SPINK9: variants seen among roughly 807,000 people sequenced by gnomAD.
SPINK9 encodes the protein serine peptidase inhibitor Kazal type 9.
SPINK9 carries 3 observed loss-of-function variants against 10.8 expected under a neutral mutation model. The ratio of observed to expected loss-of-function variants is 0.28; its 90% CI spans 0.13 to 0.72. The LOEUF is 0.72. SPINK9 is among the 30% of genes least tolerant of loss of function. The probability of loss-of-function intolerance (pLI) is 0.74; values close to 1 mark genes in which losing one functional copy is unlikely to be tolerated. For synonymous variants in SPINK9, 30 were observed against 31.2 expected (o/e 0.96, Z 0.12); for missense variants, 101 against 103.2 (o/e 0.98, Z 0.09).
chr5:148,336,709 T>C (rs542773133), intron 2 of SPINK9, among the ~76,000 whole-genome samples: 1 of 152,332 alleles, frequency 6.6e-6, no homozygotes, highest in East Asian at 1.9e-4. Context: ...ATGGGCAACA[T>C]ACTTATAACA....
At chr5:148,328,897 C>T (rs903515088) in intron 2 of SPINK9, among the ~76,000 whole-genome samples, 42 of 152,172 alleles carry the variant, frequency 2.8e-4, no homozygotes, top group African/African-American at 7.5e-4. Flanking sequence ...TTGCTGGATT[C>T]GGTTTGCCAG....
upstream of SPINK9, among the ~76,000 whole-genome samples, chr5:148,333,865 T>C (rs1757182582): frequency 6.6e-6 from 1 of 152,216 alleles, no homozygotes; most frequent in Admixed American, 6.5e-5. Flanking sequence ...TTAACTTGTT[T>C]TGAAATTTAA....
At chr5:148,331,680 T>TATGTATACA (rs1428067093), upstream of SPINK9, among the ~76,000 whole-genome samples, 2 of 152,210 alleles carry the variant, frequency 1.3e-5, no homozygotes, top group Non-Finnish European at 2.9e-5. Flanking sequence ...GTTAACCAGA[T>TATGTATACA]TTGATCATTC....
chr5:148,338,670 G>A lies in SPINK9; in HGVS notation c.215+65G>A, dbSNP rs1001171964. 3.1e-6 allele frequency: 4 copies of A among 1,276,780 alleles called. No homozygotes were observed. In the African/African-American group the frequency reaches 6.0e-5, roughly 19 times the overall value. The allele number at this position is 1,276,780 out of a possible 1,614,324, so 79.1% of individuals were successfully genotyped here. A position where few individuals can be genotyped will look rare whatever the true frequency, so the allele number is the denominator to read the frequency against. ...AAGTATATATTAAGACAAATTAGAA[G>A]GTGTGATGTAGGGCCTAAGGAATAT... On this transcript the variant is annotated intron_variant, in intron 3 of 3. Coordinates refer to ENST00000377906, the MANE Select transcript of SPINK9 (RefSeq NM_001040433.2).
chr5:148,335,567 G>C lies in SPINK9; in HGVS notation c.-47G>C, dbSNP rs776300831. On this transcript the variant is annotated 5_prime_UTR_variant, in exon 1 of 4. Coordinates refer to ENST00000377906, the MANE Select transcript of SPINK9 (RefSeq NM_001040433.2). ...ATCAAAGTGAGCTGGACGGACACCA[G>C]GTCACTTCTTTTCCCTACATCTGAC... 1 of 1,568,522 alleles carries C rather than the reference G, an allele frequency of 6.4e-7. No individual in the cohort carries two copies. Among genetic ancestry groups the C allele is most frequent in the Non-Finnish European group, 8.8e-7 (1 of 1,141,050 alleles).
upstream of SPINK9, among the ~76,000 whole-genome samples, chr5:148,334,920 C>T (rs1245031558): frequency 1.3e-5 from 2 of 152,064 alleles, no homozygotes; most frequent in Non-Finnish European, 1.5e-5. Context: ...GTGTAGCTGG[C>T]AATTAGTTCA....
intron 2 of SPINK9, among the ~76,000 whole-genome samples, chr5:148,337,697 T>C (rs948533401): frequency 1.3e-5 from 2 of 152,124 alleles, no homozygotes; most frequent in Non-Finnish European, 1.5e-5. Context: ...ATTTACATAT[T>C]TTTTACTTCC....
chr5:148,321,767 T>C (rs973240569), intron 1 of SPINK9, among the ~76,000 whole-genome samples: 7 of 152,202 alleles, frequency 4.6e-5, no homozygotes, highest in Non-Finnish European at 7.3e-5. Flanking sequence ...CCCAAGTCAT[T>C]ACTTACCCAC....
upstream of SPINK9, chr5:148,335,477 T>C (rs1757204213): frequency 8.9e-6 from 6 of 677,942 alleles, no homozygotes; most frequent in Admixed American, 2.5e-5. Flanking sequence ...CTTTCTGGAG[T>C]TGTACTACTT....
At chr5:148,334,252 T>C (rs1272029997), upstream of SPINK9, among the ~76,000 whole-genome samples, 3 of 151,694 alleles carry the variant, frequency 2.0e-5, no homozygotes, top group Non-Finnish European at 2.9e-5. Flanking sequence ...ATATTAAGAA[T>C]TGGGGGGGAT....
intron 2 of SPINK9, among the ~76,000 whole-genome samples, chr5:148,325,229 A>G (rs984343279): frequency 5.3e-5 from 8 of 152,108 alleles, no homozygotes; most frequent in African/African-American, 1.9e-4. Flanking sequence ...TAAGGCTGCT[A>G]TGTACATTCA....
upstream of SPINK9, among the ~76,000 whole-genome samples, chr5:148,331,063 C>T (rs967852272): frequency 6.6e-5 from 10 of 152,320 alleles, no homozygotes; most frequent in Middle Eastern, 3.4e-3. Context: ...CGCCCTGCTT[C>T]GGCTCACGCA....
At chr5:148,327,241 T>C (rs1757075630) in intron 2 of SPINK9, among the ~76,000 whole-genome samples, 1 of 152,258 alleles carries the variant, frequency 6.6e-6, no homozygotes, top group African/African-American at 2.4e-5. Flanking sequence ...GTGGTTTTGA[T>C]TTGCATTTCT....
intron 2 of SPINK9, among the ~76,000 whole-genome samples, chr5:148,328,312 C>G (rs1230056722): frequency 6.6e-6 from 1 of 150,654 alleles, no homozygotes; most frequent in Non-Finnish European, 1.5e-5. Flanking sequence ...CTGTTTGTTA[C>G]TGGTGTATAA....
intron 3 of SPINK9, among the ~76,000 whole-genome samples, chr5:148,339,326 G>T (rs750886315): frequency 6.6e-6 from 1 of 151,486 alleles, no homozygotes; most frequent in Non-Finnish European, 1.5e-5. Flanking sequence ...AAATACAAAC[G>T]AGCATCTAAC....
chr5:148,334,908 T>C (rs967316178), upstream of SPINK9, among the ~76,000 whole-genome samples: 1 of 151,592 alleles, frequency 6.6e-6, no homozygotes, highest in African/African-American at 2.4e-5. Context: ...ACATGGAGAG[T>C]GGTGTAGCTG....
At chr5:148,328,422 T>C (rs368316505) in intron 2 of SPINK9, among the ~76,000 whole-genome samples, 1 of 152,330 alleles carries the variant, frequency 6.6e-6, no homozygotes, top group East Asian at 1.9e-4. Flanking sequence ...TGGGATTTTC[T>C]AGATATACAA....
In SPINK9 at chr5:148,328,887, T is replaced by C. The variant is rs376566333; in HGVS notation, c.118+5019T>C. ...CATGGTGGATAAGCTTTTTGATGTGTTGCTGGATTCGGTTTGCCAGTATTT... is the reference window on the plus strand; with the variant it reads ...CATGGTGGATAAGCTTTTTGATGTGCTGCTGGATTCGGTTTGCCAGTATTT... On this transcript the variant is annotated intron_variant, in intron 2 of 4. Transcript: ENST00000511717. Among the ~76,000 whole-genome samples the C allele has an allele frequency of 2.6e-5, 4 of 152,254 alleles. No individual in the cohort carries two copies. The South Asian group carries it at 6.2e-4, about 24-fold the overall frequency.
intron 2 of SPINK9, among the ~76,000 whole-genome samples, chr5:148,327,055 T>C (rs542049274): frequency 1.3e-5 from 2 of 152,276 alleles, no homozygotes; most frequent in South Asian, 4.1e-4. Flanking sequence ...GGTCAAATGG[T>C]ATTTCTAGTT....
Sources: allele counts gnomAD v4.1 joint callset (sites outside exome capture counted in the v4.1 genomes callset), GRCh38; gene constraint gnomAD v4.1.1; transcripts MANE v1.5; gene names NCBI Gene and HGNC (gene_info 2026-07-23, HGNC 2026-07-21).